Variants in ADAMTSL1 observed in about 807,000 individuals in gnomAD.
ADAMTSL1 encodes ADAMTS like 1, also known as ADAMTS-like protein 1.
Under a neutral mutation model 201.8 loss-of-function variants are expected in ADAMTSL1, and 126 were observed. The observed-to-expected ratio is 0.62, with a 90% CI of 0.54 to 0.72. ADAMTSL1 has a LOEUF of 0.72. Ranked by LOEUF, ADAMTSL1 falls within the 30% of genes least tolerant of loss-of-function variation. The pLI is 0.00. For synonymous variants in ADAMTSL1, 1,121 were observed against 903.4 expected (o/e 1.24, Z -4.32); for missense variants, 2,679 against 2,277.8 (o/e 1.18, Z -3.59).
intron 1 of ADAMTSL1, among the ~76,000 whole-genome samples, chr9:17,980,227 G>A (rs1272587673): frequency 1.3e-5 from 2 of 152,098 alleles, no homozygotes; most frequent in African/African-American, 2.4e-5. Flanking sequence ...TCTTGTGAAG[G>A]TAGTTTTGCT....
chr9:17,931,959 A>C (rs1311766219), intron 1 of ADAMTSL1, among the ~76,000 whole-genome samples: 1 of 152,184 alleles, frequency 6.6e-6, no homozygotes, highest in Non-Finnish European at 1.5e-5. Flanking sequence ...CATTTAGAGC[A>C]AGACCGCAAT....
intron 10 of ADAMTSL1, among the ~76,000 whole-genome samples, chr9:18,678,852 T>C (rs1830275670): frequency 6.6e-6 from 1 of 152,134 alleles, no homozygotes; most frequent in Non-Finnish European, 1.5e-5. Context: ...CAAAGGAGAA[T>C]TGGTCTTACC....
At chr9:18,235,601 C>G (rs1163541566) in intron 2 of ADAMTSL1, among the ~76,000 whole-genome samples, 1 of 152,184 alleles carries the variant, frequency 6.6e-6, no homozygotes, top group Non-Finnish European at 1.5e-5. Context: ...AAGTAATCAC[C>G]TTGAAATAGC....
intron 1 of ADAMTSL1, among the ~76,000 whole-genome samples, chr9:18,110,821 G>T (rs567902909): frequency 6.6e-6 from 1 of 152,190 alleles, no homozygotes; most frequent in African/African-American, 2.4e-5. Context: ...ATAGTTAAGG[G>T]CAAAAATGAA....
At chr9:18,818,828 T>G (rs890662540) in intron 21 of ADAMTSL1, among the ~76,000 whole-genome samples, 2 of 152,088 alleles carry the variant, frequency 1.3e-5, no homozygotes, top group Non-Finnish European at 2.9e-5. Flanking sequence ...TAAATATATC[T>G]TTGTAAGTGT....
chr9:18,796,728 A>AT (rs1443183261), intron 20 of ADAMTSL1: 1 of 152,208 alleles, frequency 6.6e-6, no homozygotes, highest in African/African-American at 2.4e-5. Flanking sequence ...ATTAATGCCT[A>AT]TTTTTTGTGA....
chr9:18,678,733 C>T (rs1279476559), intron 10 of ADAMTSL1, among the ~76,000 whole-genome samples: 1 of 152,136 alleles, frequency 6.6e-6, no homozygotes, highest in Non-Finnish European at 1.5e-5. Flanking sequence ...ACTTCACTGT[C>T]AGATCAAATC....
At chr9:18,407,928 T>C (rs1818273476) in intron 2 of ADAMTSL1, among the ~76,000 whole-genome samples, 1 of 152,156 alleles carries the variant, frequency 6.6e-6, no homozygotes, top group Admixed American at 6.5e-5. Flanking sequence ...AAGACTGCAA[T>C]GTTATAGGGG....
chr9:18,209,201 C>G (rs531370809), intron 2 of ADAMTSL1, among the ~76,000 whole-genome samples: 23 of 149,218 alleles, frequency 1.5e-4, no homozygotes, highest in African/African-American at 5.6e-4. Context: ...GTTTTGCTTA[C>G]AGTTGAAAAA....
intron 2 of ADAMTSL1, among the ~76,000 whole-genome samples, chr9:18,340,711 A>G (rs981507958): frequency 6.6e-6 from 1 of 152,108 alleles, no homozygotes; most frequent in African/African-American, 2.4e-5. Context: ...ATGCTTTTAT[A>G]TAAAGGGGAG....
rs547668578 is a variant in ADAMTSL1 at position 18,719,113 on chromosome 9, A to G, written c.1877-2423A>G. 6.6e-5 allele frequency among the ~76,000 whole-genome samples: 10 copies of G among 152,294 alleles called. No individual in the cohort carries two copies. In the South Asian group the frequency reaches 1.9e-3, roughly 28 times the overall value. Reference sequence around the variant, plus strand: ...AAGTGTTTGGCTGTGTCGTCATACCATGAATTTCAAATGGCTCATCCCATC... The same window carrying G: ...AAGTGTTTGGCTGTGTCGTCATACCGTGAATTTCAAATGGCTCATCCCATC... On this transcript the variant is annotated intron_variant, in intron 14 of 28. Coordinates refer to ENST00000380548, the MANE Select transcript of ADAMTSL1 (RefSeq NM_001040272.6).
intron 2 of ADAMTSL1, among the ~76,000 whole-genome samples, chr9:18,189,321 T>G (rs1334496842): frequency 6.6e-6 from 1 of 152,148 alleles, no homozygotes; most frequent in Non-Finnish European, 1.5e-5. Flanking sequence ...ATTTCATTAA[T>G]TAAAAAACCT....
intron 1 of ADAMTSL1, among the ~76,000 whole-genome samples, chr9:17,983,180 C>T (rs745515968): frequency 8.0e-5 from 12 of 150,600 alleles, no homozygotes; most frequent in Non-Finnish European, 1.8e-4. Flanking sequence ...AAGCGATTCT[C>T]CTGCCTCAGC....
intron 4 of ADAMTSL1, among the ~76,000 whole-genome samples, chr9:18,606,356 G>A (rs1023676588): frequency 6.6e-6 from 1 of 152,052 alleles, no homozygotes; most frequent in Non-Finnish European, 1.5e-5. Context: ...TGTTTTTTGA[G>A]TGCCTTTAGC....
chr9:18,806,887 G>C (rs1273992937), intron 20 of ADAMTSL1, among the ~76,000 whole-genome samples: 1 of 152,150 alleles, frequency 6.6e-6, no homozygotes, highest in African/African-American at 2.4e-5. Context: ...TCACATCCTT[G>C]GATGCTGACG....
At chr9:18,504,080 G>T (rs1206589279) in intron 1 of ADAMTSL1, among the ~76,000 whole-genome samples, 2 of 151,908 alleles carry the variant, frequency 1.3e-5, no homozygotes, top group Non-Finnish European at 2.9e-5. Context: ...TAAGTTACTT[G>T]TTCAAGGACT....
Position 18,278,976 on chromosome 9 carries a change from T to G in ADAMTSL1, c.207+114995T>G, listed in dbSNP as rs892135256. 2.6e-5 allele frequency among the ~76,000 whole-genome samples: 4 copies of G among 152,230 alleles called. No individual in the cohort carries two copies. In the East Asian group the frequency reaches 5.8e-4, roughly 22 times the overall value. On this transcript the variant is annotated intron_variant, in intron 2 of 29. Transcript: ENST00000680146. ...TAAAGCTCTTCATAAAACTTTGCAGTTGAGGCATTGTGTTATGTAGTGCTA... is the reference window on the plus strand; with the variant it reads ...TAAAGCTCTTCATAAAACTTTGCAGGTGAGGCATTGTGTTATGTAGTGCTA...
chr9:18,225,392 C>A (rs571503018), intron 2 of ADAMTSL1, among the ~76,000 whole-genome samples: 5 of 152,168 alleles, frequency 3.3e-5, no homozygotes, highest in Admixed American at 1.3e-4. Flanking sequence ...CTATAATATG[C>A]GAAAATGTAT....
chr9:18,176,281 C>G (rs1828152720), intron 2 of ADAMTSL1, among the ~76,000 whole-genome samples: 1 of 151,982 alleles, frequency 6.6e-6, no homozygotes. Context: ...GCCCATGGAA[C>G]AGAATCTTAA....
Sources: gnomAD v4.1 joint callset for allele counts (sites outside exome capture counted in the v4.1 genomes callset) on GRCh38, gnomAD v4.1.1 for gene constraint, MANE v1.5 for transcripts, NCBI Gene and HGNC (gene_info 2026-07-23, HGNC 2026-07-21) for gene names.